ADAMTSL1: variants seen among roughly 807,000 people sequenced by gnomAD.
The protein encoded by ADAMTSL1 is ADAMTS like 1.
In ADAMTSL1, 126 loss-of-function variants were observed where a neutral mutation model predicts 201.8. The observed-to-expected ratio is 0.62, with a 90% CI of 0.54 to 0.72. ADAMTSL1 has a LOEUF of 0.72. Among genes scored for constraint, ADAMTSL1 ranks in the 30% least tolerant of loss-of-function variants. ADAMTSL1 has a pLI of 0.00. For missense variants in ADAMTSL1, 2,679 were observed against 2,277.8 expected, an observed-to-expected ratio of 1.18 and a Z score of -3.59; for synonymous variants, 1,121 against 903.4, an observed-to-expected ratio of 1.24 and a Z score of -4.32.
At chr9:18,237,331 A>G (rs1292307536) in intron 2 of ADAMTSL1, among the ~76,000 whole-genome samples, 2 of 152,180 alleles carry the variant, frequency 1.3e-5, no homozygotes, top group Non-Finnish European at 2.9e-5. Context: ...TTACAGATAC[A>G]CAGGGGCACT....
Position 18,794,720 on chromosome 9 carries a change from G to T in ADAMTSL1, c.3678-677G>T, listed in dbSNP as rs563761904. On this transcript the variant is annotated intron_variant, in intron 19 of 28. Coordinates refer to ENST00000380548, the MANE Select transcript of ADAMTSL1 (RefSeq NM_001040272.6). The stretch of plus-strand genomic sequence containing the variant: ...GCAATCTCAGCCCACTACAACCTCT[G>T]CCCCCCACGTTCAAGTGATTCTCTC... 5.3e-5 allele frequency among the ~76,000 whole-genome samples: 8 copies of T among 151,430 alleles called. No individual in the cohort carries two copies. The East Asian group carries it at 1.5e-3, about 29-fold the overall frequency.
chr9:18,091,724 G>C (rs573249092), intron 1 of ADAMTSL1, among the ~76,000 whole-genome samples: 1 of 152,200 alleles, frequency 6.6e-6, no homozygotes, highest in East Asian at 1.9e-4. Flanking sequence ...TGTGGCATGA[G>C]TAATTGGTGA....
chr9:18,627,725 C>A (rs1181444006), intron 5 of ADAMTSL1, among the ~76,000 whole-genome samples: 5 of 152,198 alleles, frequency 3.3e-5, no homozygotes, highest in Non-Finnish European at 5.9e-5. Flanking sequence ...CCACTCAGAT[C>A]ATCCAGGATA....
chr9:17,967,541 C>G (rs1818025512), intron 1 of ADAMTSL1, among the ~76,000 whole-genome samples: 1 of 152,048 alleles, frequency 6.6e-6, no homozygotes, highest in African/African-American at 2.4e-5. Context: ...GTGTAAAATA[C>G]CATTACACCA....
In ADAMTSL1 at chr9:18,066,099, G is replaced by T. The variant is rs148992034; in HGVS notation, c.88-97763G>T. Among the ~76,000 whole-genome samples the T allele has an allele frequency of 1.7e-3, 261 of 151,668 alleles. 10 individuals carry two copies. The East Asian group carries it at 0.047, about 27-fold the overall frequency. ...GGCAAAAGAAATAAGCTTATGACAAGGTGATGTTATTTAATATAGTGTCAC... is the reference window on the plus strand; with the variant it reads ...GGCAAAAGAAATAAGCTTATGACAATGTGATGTTATTTAATATAGTGTCAC... On this transcript the variant is annotated intron_variant, in intron 1 of 29. Coordinates refer to the ADAMTSL1 transcript ENST00000680146.
chr9:18,593,134 C>G (rs1303288666), intron 4 of ADAMTSL1, among the ~76,000 whole-genome samples: 1 of 151,954 alleles, frequency 6.6e-6, no homozygotes, highest in East Asian at 1.9e-4. Context: ...TTAGGTTTTT[C>G]CAAATATAAG....
At chr9:18,706,578 C>T (rs1170383793) in intron 13 of ADAMTSL1, 169 bp from the exon 14 acceptor site, 4 of 634,412 alleles carry the variant, frequency 6.3e-6, no homozygotes, top group Non-Finnish European at 1.1e-5. Flanking sequence ...GTGGCAAAAT[C>T]GCTTATGAAC....
intron 1 of ADAMTSL1, among the ~76,000 whole-genome samples, chr9:18,485,956 C>T (rs1309489586): frequency 1.3e-5 from 2 of 152,190 alleles, no homozygotes; most frequent in Middle Eastern, 3.2e-3. Flanking sequence ...GACAAAGAAG[C>T]GTAAACATCC....
intron 7 of ADAMTSL1, among the ~76,000 whole-genome samples, chr9:18,651,894 T>TGTTA (rs1387519720): frequency 2.1e-4 from 30 of 140,674 alleles, no homozygotes; most frequent in Non-Finnish European, 3.7e-4. Context: ...AATGGGAATT[T>TGTTA]ATTAAGTTTA....
chr9:18,808,938 G>A (rs565256733), intron 20 of ADAMTSL1, among the ~76,000 whole-genome samples: 1 of 151,966 alleles, frequency 6.6e-6, no homozygotes, highest in Non-Finnish European at 1.5e-5. Context: ...TGCCTCTCAG[G>A]GTTGTTATCC....
intron 4 of ADAMTSL1, among the ~76,000 whole-genome samples, chr9:18,599,299 G>A (rs944129361): frequency 6.6e-6 from 1 of 152,196 alleles, no homozygotes; most frequent in African/African-American, 2.4e-5. Context: ...AGAGGCAAAG[G>A]CACACTTAGT....
chr9:18,644,819 G>T (rs984085141), intron 7 of ADAMTSL1, among the ~76,000 whole-genome samples: 2 of 151,764 alleles, frequency 1.3e-5, no homozygotes, highest in Admixed American at 1.3e-4. Context: ...CCAAGTCTTT[G>T]TTATTGTGAA....
chr9:18,232,902 T>G (rs936161033), intron 2 of ADAMTSL1, among the ~76,000 whole-genome samples: 27 of 152,216 alleles, frequency 1.8e-4, no homozygotes, highest in African/African-American at 5.8e-4. Flanking sequence ...ATAGAATGGA[T>G]TTTTATCTTT....
intron 1 of ADAMTSL1, among the ~76,000 whole-genome samples, chr9:18,141,890 T>A (rs1826412419): frequency 6.6e-6 from 1 of 152,168 alleles, no homozygotes; most frequent in African/African-American, 2.4e-5. Context: ...GCAGCTGTGG[T>A]CAAGTGACTT....
intron 2 of ADAMTSL1, among the ~76,000 whole-genome samples, chr9:18,526,265 C>A (rs7036374): frequency 0.024 from 3,719 of 152,056 alleles, 139 homozygotes; most frequent in African/African-American, 0.084. Flanking sequence ...GGATTGCAAC[C>A]CCTGCCTTTG....
intron 2 of ADAMTSL1, among the ~76,000 whole-genome samples, chr9:18,355,883 C>A (rs964071915): frequency 6.6e-6 from 1 of 152,128 alleles, no homozygotes; most frequent in Admixed American, 6.6e-5. Context: ...ATGGTGGTAG[C>A]ACAGGATTTT....
chr9:18,010,518 A>G (rs1437670672), intron 1 of ADAMTSL1, among the ~76,000 whole-genome samples: 1 of 152,040 alleles, frequency 6.6e-6, no homozygotes, highest in East Asian at 1.9e-4. Context: ...GGAGAGATTA[A>G]TTGTGAACTA....
At chr9:18,874,322 T>C (rs571804048) in intron 23 of ADAMTSL1, among the ~76,000 whole-genome samples, 2 of 152,288 alleles carry the variant, frequency 1.3e-5, no homozygotes, top group South Asian at 4.1e-4. Context: ...CGGCTAGGGC[T>C]TCCAGTACTA....
At chr9:17,932,061 T>A (rs886265298) in intron 1 of ADAMTSL1, among the ~76,000 whole-genome samples, 19 of 152,218 alleles carry the variant, frequency 1.2e-4, no homozygotes, top group African/African-American at 2.4e-5. Flanking sequence ...GATATCTTTG[T>A]GTTTGGCAAC....
Sources: gnomAD v4.1 joint callset for allele counts (sites outside exome capture counted in the v4.1 genomes callset) on GRCh38, gnomAD v4.1.1 for gene constraint, MANE v1.5 for transcripts, NCBI Gene and HGNC (gene_info 2026-07-23, HGNC 2026-07-21) for gene names.